The following MAP3K13 variants were observed in gnomAD, a reference collection of about 807,000 sequenced individuals.
MAP3K13 encodes the protein mitogen-activated protein kinase kinase kinase 13, also known as leucine zipper-bearing kinase.
A neutral mutation model predicts 104.0 loss-of-function variants in MAP3K13; 52 were observed. The ratio of observed to expected loss-of-function variants is 0.50; its 90% CI spans 0.40 to 0.63. The LOEUF (loss-of-function observed/expected upper bound fraction) is 0.63. MAP3K13 is among the 20% of genes least tolerant of loss of function. The pLI, the probability that MAP3K13 is intolerant of heterozygous loss-of-function variation, is 0.00. For synonymous variants in MAP3K13, 394 were observed against 442.2 expected, an observed-to-expected ratio of 0.89 and a Z score of 1.37; for missense variants, 914 against 1,218.5, an observed-to-expected ratio of 0.75 and a Z score of 3.72.
At chr3:185,297,484 C>T (rs1720954627) in intron 2 of MAP3K13, among the ~76,000 whole-genome samples, 1 of 152,118 alleles carries the variant, frequency 6.6e-6, no homozygotes, top group Non-Finnish European at 1.5e-5. Context: ...CCTGTAATCC[C>T]AGCATTTTGG....
At chr3:185,469,659 G>A (rs1176931177) in intron 10 of MAP3K13, among the ~76,000 whole-genome samples, 2 of 152,128 alleles carry the variant, frequency 1.3e-5, no homozygotes, top group Non-Finnish European at 2.9e-5. Context: ...ATCTCCTGCT[G>A]CCTGCTGCCT....
chr3:185,463,499 C>T, intron 7 of MAP3K13, 51 bp from the exon 8 acceptor site: 8 of 1,055,142 alleles, frequency 7.6e-6, no homozygotes, highest in Non-Finnish European at 1.2e-5. Context: ...ATGGATATAT[C>T]AGGGATTGAA....
intron 2 of MAP3K13, among the ~76,000 whole-genome samples, chr3:185,301,912 C>G (rs1721122069): frequency 6.6e-6 from 1 of 152,106 alleles, no homozygotes; most frequent in Non-Finnish European, 1.5e-5. Context: ...AGGCCTTCAG[C>G]TTTTTCTTCT....
chr3:185,287,347 T>C (rs1478027084), intron 2 of MAP3K13, among the ~76,000 whole-genome samples: 2 of 152,204 alleles, frequency 1.3e-5, no homozygotes, highest in African/African-American at 4.8e-5. Context: ...GTTCTTGATG[T>C]TTAGAACTGG....
At position 185,400,960 on chromosome 3, in the gene MAP3K13, T is replaced by C. The variant is rs370175213; in HGVS notation, c.-85-27537T>C. On this transcript the variant is annotated intron_variant, in intron 1 of 13. Transcript: ENST00000265026. ...TCTGCTAATACTGTCTTTAACATTG[T>C]TATATTTGGGAAATAATCCAAAGCA... Among the ~76,000 whole-genome samples, 4 of 151,408 alleles carry C rather than the reference T, an allele frequency of 2.6e-5. No individual in the cohort carries two copies. The East Asian group carries it at 5.8e-4, about 22-fold the overall frequency.
intron 1 of MAP3K13, among the ~76,000 whole-genome samples, chr3:185,422,129 G>C (rs1304945503): frequency 2.0e-5 from 3 of 152,234 alleles, no homozygotes; most frequent in African/African-American, 7.2e-5. Flanking sequence ...CACCCCGCTA[G>C]GTAGGCACTA....
chr3:185,451,089 C>CAAAAAAAAAAAAA, intron 6 of MAP3K13, among the ~76,000 whole-genome samples, 198 bp from the exon 7 acceptor site: 1 of 150,722 alleles, frequency 6.6e-6, no homozygotes, highest in African/African-American at 2.4e-5. Context: ...GACTCCGTCT[C>CAAAAAAAAAAAAA]AAAAAAAAGA....
chr3:185,420,653 T>C (rs961605157), intron 1 of MAP3K13, among the ~76,000 whole-genome samples: 1 of 152,238 alleles, frequency 6.6e-6, no homozygotes, highest in Non-Finnish European at 1.5e-5. Flanking sequence ...ATGCTTACTT[T>C]AATTTTTTAT....
intron 7 of MAP3K13, among the ~76,000 whole-genome samples, chr3:185,455,263 TGA>T (rs1716434885): frequency 3.0e-5 from 1 of 33,818 alleles, no homozygotes; most frequent in Admixed American, 3.9e-4. Context: ...ATGAGATATA[TGA>T]GATATATATG....
At chr3:185,382,198 A>T (rs1261622282) in intron 1 of MAP3K13, among the ~76,000 whole-genome samples, 2 of 148,966 alleles carry the variant, frequency 1.3e-5, no homozygotes, top group Non-Finnish European at 1.5e-5. Context: ...ATAAATTAGG[A>T]ATAGTAAGAG....
intron 2 of MAP3K13, among the ~76,000 whole-genome samples, chr3:185,308,730 G>C (rs1034856769): frequency 3.9e-5 from 6 of 152,154 alleles, no homozygotes; most frequent in Non-Finnish European, 8.8e-5. Flanking sequence ...TAGAACTTTG[G>C]ATGCACATTC....
intron 1 of MAP3K13, among the ~76,000 whole-genome samples, chr3:185,366,720 C>A (rs984973659): frequency 5.9e-5 from 9 of 152,126 alleles, no homozygotes; most frequent in Non-Finnish European, 1.2e-4. Context: ...TGCTTATTGG[C>A]CATCTGTATA....
intron 2 of MAP3K13, among the ~76,000 whole-genome samples, chr3:185,296,847 G>A (rs1467946572): frequency 6.6e-6 from 1 of 152,166 alleles, no homozygotes; most frequent in Non-Finnish European, 1.5e-5. Context: ...TTTATATCCT[G>A]CCTTGTTCTA....
intron 2 of MAP3K13, among the ~76,000 whole-genome samples, chr3:185,290,813 G>A (rs78385135): frequency 0.021 from 3,160 of 152,230 alleles, 39 homozygotes; most frequent in Non-Finnish European, 0.032. Flanking sequence ...AATATTAGCT[G>A]CTATTATTAT....
chr3:185,424,174 C>T (rs1036996438), intron 1 of MAP3K13, among the ~76,000 whole-genome samples: 10 of 152,138 alleles, frequency 6.6e-5, no homozygotes, highest in African/African-American at 1.2e-4. Flanking sequence ...TATTTCATCC[C>T]GGCTCTGTGA....
Position 185,473,472 on chromosome 3 carries a change from A to C in MAP3K13, c.2141A>C (p.Asp714Ala). The part of the protein sequence containing the change: ...AADCWRSSEP[D>A]KGQAGPWGCC... ...GACTGCTGGAGAAGTTCTGAGCCTG[A>C]CAAGGGCCAAGCTGGTCCCTGGGGC... Residue 714 changes from aspartate (D) to alanine (A), a missense_variant, in exon 11 of 14, where the codon GAC becomes GCC. By Grantham distance (126) the Asp-to-Ala change is moderately radical. Around this residue, in one of 3 missense-constraint regions of MAP3K13, gnomAD observed 583 missense variants for 737.4 expected, o/e 0.79. Coordinates refer to ENST00000265026, the MANE Select transcript of MAP3K13 (RefSeq NM_004721.5). The surrounding 1 kb of genome is among the most constrained non-coding windows in gnomAD (Gnocchi z 4.9). 6.2e-7 allele frequency: 1 copy of C among 1,614,206 alleles called. No homozygotes were observed. Among genetic ancestry groups the C allele is most frequent in the Non-Finnish European group, 8.5e-7 (1 of 1,180,030 alleles).
At chr3:185,390,360 G>A (rs1426811044) in intron 1 of MAP3K13, among the ~76,000 whole-genome samples, 1 of 152,136 alleles carries the variant, frequency 6.6e-6, no homozygotes, top group East Asian at 1.9e-4. Context: ...GGTGGAGTCA[G>A]CATTCAGTTT....
chr3:185,417,754 C>A (rs111854077), intron 1 of MAP3K13: 3 of 1,612,288 alleles, frequency 1.9e-6, no homozygotes, highest in African/African-American at 1.3e-5. Context: ...CCTGGCCTGG[C>A]GAAGAATGGT....
At chr3:185,375,347 G>C (rs914408826) in intron 1 of MAP3K13, among the ~76,000 whole-genome samples, 1 of 152,008 alleles carries the variant, frequency 6.6e-6, no homozygotes, top group Non-Finnish European at 1.5e-5. Context: ...GGAAGGGAGG[G>C]GGCCTGAGAA....
Sources: gnomAD v4.1 joint callset for allele counts (sites outside exome capture counted in the v4.1 genomes callset) on GRCh38, gnomAD v4.1.1 for gene constraint, gnomAD v4.1.1 regional missense constraint, Gnocchi (gnomAD v3.1) non-coding constraint, MANE v1.5 for transcripts, NCBI Gene and HGNC (gene_info 2026-07-23, HGNC 2026-07-21) for gene names.